The following PLEKHG4B variants were observed in gnomAD, a reference collection of about 807,000 sequenced individuals.
PLEKHG4B encodes pleckstrin homology and RhoGEF domain containing G4B, also known as pleckstrin homology domain-containing family G member 4B.
Under a neutral mutation model 121.3 loss-of-function variants are expected in PLEKHG4B, and 111 were observed. That is an observed-to-expected ratio of 0.92 (90% confidence interval 0.78 to 1.07). PLEKHG4B has a LOEUF of 1.07. PLEKHG4B is among the 50% of genes least tolerant of loss of function. The pLI, the probability that PLEKHG4B is intolerant of heterozygous loss-of-function variation, is 0.00. For missense variants in PLEKHG4B, 1,831 were observed against 1,757.8 expected (o/e 1.04, Z -0.74); for synonymous variants, 738 against 725.0 (o/e 1.02, Z -0.29).
Position 184,026 on chromosome 5 carries a change from T to TAGATAGAC in PLEKHG4B, c.*1706_*1707insTAGACAGA, listed in dbSNP as rs1560962174. ...ATAGATAGATAGATAGATAGATAGA[T>TAGATAGAC]AGACTGACAGACAGATGAGAGGGGC... On this transcript the variant is annotated 3_prime_UTR_variant, in exon 20 of 20. Transcript: ENST00000637938. The TAGATAGAC allele has an allele frequency of 6.6e-6, 1 of 151,270 alleles. No individual in the cohort carries two copies. The highest frequency in any genetic ancestry group is 1.5e-5 in the Non-Finnish European group (1 of 67,816). The allele number at this position is 151,270 out of a possible 1,614,324, so 9.4% of individuals were successfully genotyped here.
chr5:104,813 C>A lies in PLEKHG4B; in HGVS notation c.46-8438C>A, dbSNP rs535112474. ...GATGCTTTAGGAAAAGCACAACAAT[C>A]ATGCGTAATTTAAATCATATCTGTG... On this transcript the variant is annotated intron_variant, in intron 1 of 19. Coordinates refer to ENST00000637938, the MANE Select transcript of PLEKHG4B (RefSeq NM_052909.5). 9.3e-4 allele frequency among the ~76,000 whole-genome samples: 142 copies of A among 152,386 alleles called. 1 individual carries two copies. Among genetic ancestry groups the A allele is most frequent in the African/African-American group, 3.3e-3 (136 of 41,598 alleles).
At chr5:172,659 A>T (rs1736601548) in intron 16 of PLEKHG4B, among the ~76,000 whole-genome samples, 1 of 152,016 alleles carries the variant, frequency 6.6e-6, no homozygotes, top group Non-Finnish European at 1.5e-5. Flanking sequence ...GTCAAACGGG[A>T]GGGTTGGGGG....
At position 174,047 on chromosome 5, in the gene PLEKHG4B, T is replaced by G; in HGVS notation, c.4351T>G (p.Trp1451Gly). Residue 1451 changes from tryptophan to glycine, a missense_variant, in exon 18 of 20, where the codon TGG becomes GGG. Trp to Gly is a radical substitution (Grantham distance 184). Coordinates refer to ENST00000637938, the MANE Select transcript of PLEKHG4B (RefSeq NM_052909.5). The part of the protein sequence containing the change: ...QASSAEVKSA[W>G]TDVIGRILWR... ...AAGCTCGGCAGAGGTCAAGAGTGCA[T>G]GGACCGATGTCATAGGGAGGATCCT... 1.2e-6 allele frequency: 2 copies of G among 1,600,800 alleles called. No homozygotes were observed. Among genetic ancestry groups the G allele is most frequent in the Non-Finnish European group, 1.7e-6 (2 of 1,174,674 alleles).
Position 184,748 on chromosome 5 carries a change from G to C in PLEKHG4B, c.*2425G>C, listed in dbSNP as rs1339598423. On this transcript the variant is annotated 3_prime_UTR_variant, in exon 20 of 20. Transcript: ENST00000637938. ...TAAAAGATGAGTGGCTTGGCCGGGT[G>C]CGGTGGCTCATGTCTCTAATCCCAG... The C allele has an allele frequency of 6.6e-6, 1 of 152,178 alleles. No individual in the cohort carries two copies. The highest frequency in any genetic ancestry group is 2.4e-5 in the African/African-American group (1 of 41,418). The allele number at this position is 152,178 out of a possible 1,614,324, so 9.4% of individuals were successfully genotyped here.
chr5:116,045 A>C (rs966657774), intron 2 of PLEKHG4B, among the ~76,000 whole-genome samples: 1 of 152,226 alleles, frequency 6.6e-6, no homozygotes, highest in South Asian at 2.1e-4. Context: ...GGCATTCAGC[A>C]TGCCTTTCTC....
chr5:186,193 A>T lies in PLEKHG4B; in HGVS notation c.*3870A>T, dbSNP rs1019916561. The T allele has an allele frequency of 1.3e-5, 2 of 151,990 alleles. No individual in the cohort carries two copies. The highest frequency in any genetic ancestry group is 4.8e-5 in the African/African-American group (2 of 41,366). 9.4% of individuals were successfully genotyped at this position (151,990 alleles called of 1,614,324 possible). ...AACAGAGGCTTCCTGCTGGCAGAAG[A>T]GGCCCACCGAGTTACGTCCACACCA... On this transcript the variant is annotated 3_prime_UTR_variant, in exon 20 of 20. Coordinates refer to ENST00000637938, the MANE Select transcript of PLEKHG4B (RefSeq NM_052909.5).
At position 113,314 on chromosome 5, in the gene PLEKHG4B, G is replaced by A; in HGVS notation, c.109G>A (p.Ala37Thr). 2.5e-6 allele frequency: 1 copy of A among 399,088 alleles called. No homozygotes were observed. Among genetic ancestry groups the A allele is most frequent in the Non-Finnish European group, 4.4e-6 (1 of 226,106 alleles). The allele number at this position is 399,088 out of a possible 1,614,324, so 24.7% of individuals were successfully genotyped here. A position where few individuals can be genotyped will look rare whatever the true frequency, so the allele number is the denominator to read the frequency against. The change falls in exon 2 of 20, where the codon GCC becomes ACC. Residue 37 changes from alanine to threonine, a missense_variant. By Grantham distance (58) the Ala-to-Thr change is moderately conservative (BLOSUM62 0). Transcript: ENST00000637938. This position sits in a 1 kb window ranked among gnomAD's most constrained non-coding sequence, Gnocchi z 5.2. ...CTCTGCCTTGTACCCACCGTTTGAA[G>A]CCACGGCAGCCACGGTGCTCTGGCA... is the stretch of plus-strand genomic sequence containing the variant. ...TLSALYPPFEATAATVLWQLF... is the reference protein window; with the variant it reads ...TLSALYPPFETTAATVLWQLF...
intron 2 of PLEKHG4B, among the ~76,000 whole-genome samples, chr5:124,968 A>G (rs1035224798): frequency 2.0e-5 from 3 of 152,132 alleles, no homozygotes; most frequent in African/African-American, 4.8e-5. Flanking sequence ...CCCCGTCTCT[A>G]CTAAAAATAC....
rs1382872537 is a variant in PLEKHG4B at position 185,047 on chromosome 5, T to C, written c.*2724T>C. ...TTGTGGTAAGCTAAAGATGTACTGATAAACCCTTGAAACACCCACTAACAA... is the reference window on the plus strand; with the variant it reads ...TTGTGGTAAGCTAAAGATGTACTGACAAACCCTTGAAACACCCACTAACAA... On this transcript the variant is annotated 3_prime_UTR_variant, in exon 20 of 20. Transcript: ENST00000637938. 2.6e-5 allele frequency: 4 copies of C among 152,178 alleles called. No individual in the cohort carries two copies. Among genetic ancestry groups the C allele is most frequent in the African/African-American group, 4.8e-5 (2 of 41,416 alleles). 9.4% of individuals were successfully genotyped at this position (152,178 alleles called of 1,614,324 possible).
rs1484607650 is a variant in PLEKHG4B at position 159,832 on chromosome 5, C to A, written c.2488-1951C>A. Among the ~76,000 whole-genome samples, 2 of 152,162 alleles carry A rather than the reference C, an allele frequency of 1.3e-5. No individual in the cohort carries two copies. Among genetic ancestry groups the A allele is most frequent in the Admixed American group, 6.5e-5 (1 of 15,280 alleles). Reference sequence around the variant, plus strand: ...GGTGCCCAGCTCCTTCCCTCCGACACTCCCTCACCCTGTCCTGTGGAGTCT... The same window carrying A: ...GGTGCCCAGCTCCTTCCCTCCGACAATCCCTCACCCTGTCCTGTGGAGTCT... On this transcript the variant is annotated intron_variant, in intron 11 of 19. Coordinates refer to ENST00000637938, the MANE Select transcript of PLEKHG4B (RefSeq NM_052909.5). The surrounding 1 kb of genome is among the most constrained non-coding windows in gnomAD (Gnocchi z 5.5).
At chr5:110,150 A>G (rs1403825069) in intron 1 of PLEKHG4B, among the ~76,000 whole-genome samples, 1 of 148,310 alleles carries the variant, frequency 6.7e-6, no homozygotes, top group Admixed American at 6.7e-5. Context: ...ACGTGCACAC[A>G]TCCAGTCTGC....
At chr5:155,095 T>C in intron 8 of PLEKHG4B, 104 bp downstream of exon 8, 1 of 1,029,874 alleles carries the variant, frequency 9.7e-7, no homozygotes, top group Non-Finnish European at 1.5e-6. Context: ...GTCCCTGATC[T>C]GATGCTTGTT....
chr5:135,676 AAAAAAAATATATATATATATAT>A (rs1215049165), intron 2 of PLEKHG4B, among the ~76,000 whole-genome samples: 17 of 64,114 alleles, frequency 2.7e-4, no homozygotes, highest in Non-Finnish European at 4.7e-4. Context: ...AAAAAAAAAA[AAAAAAAATATATATATATATAT>A]ATATATATAT....
In PLEKHG4B at chr5:187,961, C is replaced by T. The variant is rs556654962; in HGVS notation, c.*5638C>T. 1.2e-3 allele frequency: 189 copies of T among 152,626 alleles called. No homozygotes were observed. The highest frequency in any genetic ancestry group is 2.1e-3 in the Non-Finnish European group (143 of 68,262). 9.5% of individuals were successfully genotyped at this position (152,626 alleles called of 1,614,324 possible). ...GCCACCCCACCTCCCCGGGTTCCCT[C>T]GAGCATTCCTTTGTCAGGAGCAGCT... On this transcript the variant is annotated 3_prime_UTR_variant, in exon 20 of 20. Transcript: ENST00000637938.
intron 2 of PLEKHG4B, among the ~76,000 whole-genome samples, chr5:135,857 G>A (rs1198415416): frequency 1.3e-5 from 2 of 150,660 alleles, no homozygotes; most frequent in Non-Finnish European, 3.0e-5. Flanking sequence ...CCCCCAAATA[G>A]CCAAAACAAT....
chr5:144,933 T>C lies in PLEKHG4B; in HGVS notation c.1905+13T>C. Reference sequence around the variant, plus strand: ...CTCAGGATTGCAGGTACGGCAAGGTTGTCATATCCCTTGGGTGTGCAGAGC... The same window carrying C: ...CTCAGGATTGCAGGTACGGCAAGGTCGTCATATCCCTTGGGTGTGCAGAGC... On this transcript the variant is annotated intron_variant, in intron 6 of 19. Transcript: ENST00000637938. 3 of 1,611,166 alleles carry C rather than the reference T, an allele frequency of 1.9e-6. No homozygotes were observed. Among genetic ancestry groups the C allele is most frequent in the Non-Finnish European group, 2.5e-6 (3 of 1,178,462 alleles).
In PLEKHG4B at chr5:182,060, A is replaced by G. The variant is rs144201950; in HGVS notation, c.4621A>G (p.Lys1541Glu). The part of the protein sequence containing the change: ...VSSSDHAAPF[K>E]RPHSTISDSS... The stretch of plus-strand genomic sequence containing the variant: ...CTCCTCTGACCACGCCGCCCCCTTC[A>G]AGCGACCACACTCCACCATCTCAGA... Residue 1541 changes from lysine (K) to glutamate (E), a missense_variant, in exon 20 of 20, where the codon AAG (lysine) becomes GAG (glutamate). Coordinates refer to ENST00000637938, the MANE Select transcript of PLEKHG4B (RefSeq NM_052909.5). 35 of 1,614,004 alleles carry G rather than the reference A, an allele frequency of 2.2e-5. No individual in the cohort carries two copies. The highest frequency in any genetic ancestry group is 1.6e-4 in the Middle Eastern group (1 of 6,084).
At chr5:175,315 C>T (rs951253546) in intron 18 of PLEKHG4B, among the ~76,000 whole-genome samples, 1 of 152,050 alleles carries the variant, frequency 6.6e-6, no homozygotes, top group Non-Finnish European at 1.5e-5. Flanking sequence ...CCCTCGTTTG[C>T]TCCCCCCACC....
At chr5:164,171 C>T (rs1040612274) in intron 13 of PLEKHG4B, among the ~76,000 whole-genome samples, 5 of 152,254 alleles carry the variant, frequency 3.3e-5, no homozygotes, top group African/African-American at 1.2e-4. Context: ...CCAGCAATCC[C>T]CATCCTTTTT....
Sources: gnomAD v4.1 joint callset for allele counts (sites outside exome capture counted in the v4.1 genomes callset) on GRCh38, gnomAD v4.1.1 for gene constraint, Gnocchi (gnomAD v3.1) non-coding constraint, MANE v1.5 for transcripts, NCBI Gene and HGNC (gene_info 2026-07-23, HGNC 2026-07-21) for gene names.